The following ASTN1 variants were observed in gnomAD, a reference collection of about 807,000 sequenced individuals.
The protein encoded by ASTN1 is astrotactin 1.
Under a neutral mutation model 140.7 loss-of-function variants are expected in ASTN1, and 41 were observed. The ratio of observed to expected loss-of-function variants is 0.29; its 90% CI spans 0.23 to 0.38. The LOEUF (loss-of-function observed/expected upper bound fraction) is 0.38. Ranked by LOEUF, ASTN1 falls within the 10% of genes least tolerant of loss-of-function variation. The probability of loss-of-function intolerance (pLI) is 1.00; values close to 1 mark genes in which losing one functional copy is unlikely to be tolerated. For missense variants in ASTN1, 1,479 were observed against 1,678.8 expected, an observed-to-expected ratio of 0.88 and a Z score of 2.08; for synonymous variants, 640 against 652.2, an observed-to-expected ratio of 0.98 and a Z score of 0.29.
At chr1:177,050,279 A>G (rs530081600) in intron 2 of ASTN1, among the ~76,000 whole-genome samples, 1 of 152,260 alleles carries the variant, frequency 6.6e-6, no homozygotes, top group African/African-American at 2.4e-5. Flanking sequence ...TATCTTCTTT[A>G]TGGTATTAGG....
intron 7 of ASTN1, among the ~76,000 whole-genome samples, chr1:177,022,727 T>C (rs983563670): frequency 6.6e-6 from 1 of 152,202 alleles, no homozygotes; most frequent in African/African-American, 2.4e-5. Flanking sequence ...TTAATAGTAT[T>C]TATAAAAATA....
chr1:177,134,438 G>A (rs114009677), intron 1 of ASTN1, among the ~76,000 whole-genome samples: 17 of 152,314 alleles, frequency 1.1e-4, no homozygotes, highest in African/African-American at 4.1e-4. Context: ...CACTGGAGTG[G>A]AGAATCACAA....
At position 177,122,897 on chromosome 1, in the gene ASTN1, C is replaced by A. The variant is rs55781302; in HGVS notation, c.283+41497G>T. Among the ~76,000 whole-genome samples, 1,250 of 152,274 alleles carry A rather than the reference C, an allele frequency of 8.2e-3. 28 individuals carry two copies. The highest frequency in any genetic ancestry group is 0.029 in the African/African-American group (1,203 of 41,558). On this transcript the variant is annotated intron_variant, in intron 1 of 22. Transcript: ENST00000361833. Reference sequence around the variant, plus strand: ...TTGAGATAGTAAGCTAGGATCAGAACAACAAAGTGCATTGCCCCTTTTGGA... The same window carrying A: ...TTGAGATAGTAAGCTAGGATCAGAAAAACAAAGTGCATTGCCCCTTTTGGA...
rs1216761254 is a variant in ASTN1, at chr1:176,864,182, T to C, written c.*102A>G. 4.0e-6 allele frequency: 6 copies of C among 1,509,812 alleles called. No individual in the cohort carries two copies. The highest frequency in any genetic ancestry group is 2.1e-5 in the Admixed American group (1 of 46,736). The allele number at this position is 1,509,812 out of a possible 1,614,324, so 93.5% of individuals were successfully genotyped here. ...CTGGTTTCGATGTTGCTGTGGAGGTTTTCATGTTCCATTAAAAAATATTAA... is the reference window on the plus strand; with the variant it reads ...CTGGTTTCGATGTTGCTGTGGAGGTCTTCATGTTCCATTAAAAAATATTAA... On this transcript the variant is annotated 3_prime_UTR_variant, in exon 23 of 23. Transcript: ENST00000361833.
intron 1 of ASTN1, among the ~76,000 whole-genome samples, chr1:177,151,633 T>C (rs972875773): frequency 5.9e-5 from 9 of 152,126 alleles, no homozygotes; most frequent in Non-Finnish European, 1.2e-4. Context: ...CATCACAGAA[T>C]TGTTGCCTGA....
At chr1:177,031,132 A>G (rs1022602143) in intron 3 of ASTN1, among the ~76,000 whole-genome samples, 180 bp from the exon 4 acceptor site, 57 of 152,310 alleles carry the variant, frequency 3.7e-4, no homozygotes, top group African/African-American at 1.3e-3. Flanking sequence ...AGGGACTGCA[A>G]AGTTATGGGA....
intron 8 of ASTN1, among the ~76,000 whole-genome samples, chr1:177,008,136 G>T (rs1675088194): frequency 6.6e-6 from 1 of 152,196 alleles, no homozygotes; most frequent in African/African-American, 2.4e-5. Context: ...GGTAGATGGA[G>T]ATTTACTTTC....
chr1:177,025,148 C>T (rs1349919545), intron 5 of ASTN1, among the ~76,000 whole-genome samples: 2 of 152,210 alleles, frequency 1.3e-5, no homozygotes, highest in East Asian at 3.9e-4. Context: ...AGCAACTCCA[C>T]CCCCATAGTG....
intron 21 of ASTN1, among the ~76,000 whole-genome samples, chr1:176,871,366 C>G (rs1668337149): frequency 6.6e-6 from 1 of 152,122 alleles, no homozygotes; most frequent in African/African-American, 2.4e-5. Flanking sequence ...GACTTCCTCT[C>G]CCACCCCTGC....
intron 8 of ASTN1, among the ~76,000 whole-genome samples, chr1:176,972,620 C>T (rs1231695895): frequency 1.3e-5 from 2 of 152,070 alleles, no homozygotes; most frequent in African/African-American, 4.8e-5. Context: ...TGCCTGTGCT[C>T]TCCAAAGTGC....
At chr1:176,962,209 G>A (rs1276118717) in intron 9 of ASTN1, among the ~76,000 whole-genome samples, 1 of 152,240 alleles carries the variant, frequency 6.6e-6, no homozygotes, top group Middle Eastern at 3.2e-3. Flanking sequence ...GTGGAAAGGA[G>A]TGATCCTAGC....
intron 16 of ASTN1, among the ~76,000 whole-genome samples, chr1:176,897,830 A>G (rs1669586633): frequency 6.6e-6 from 1 of 152,196 alleles, no homozygotes; most frequent in East Asian, 1.9e-4. Flanking sequence ...AACATGGAGT[A>G]AACACTACTT....
intron 17 of ASTN1, among the ~76,000 whole-genome samples, chr1:176,892,737 A>G (rs1180061952): frequency 5.9e-5 from 9 of 152,234 alleles, no homozygotes. Context: ...TAGAAATAAA[A>G]ACACACATTG....
intron 1 of ASTN1, among the ~76,000 whole-genome samples, chr1:177,159,119 A>AT (rs2102263773): frequency 6.6e-6 from 1 of 152,012 alleles, no homozygotes; most frequent in South Asian, 2.1e-4. Flanking sequence ...AAAAACTCTA[A>AT]TTACTTGAAT....
intron 1 of ASTN1, among the ~76,000 whole-genome samples, chr1:177,138,058 C>T (rs1682283626): frequency 6.6e-6 from 1 of 152,088 alleles, no homozygotes; most frequent in Non-Finnish European, 1.5e-5. Flanking sequence ...TTCCACCCAC[C>T]CCCTTGCCAA....
intron 8 of ASTN1, among the ~76,000 whole-genome samples, chr1:176,994,109 C>T (rs1674324039): frequency 6.6e-6 from 1 of 151,642 alleles, no homozygotes; most frequent in Admixed American, 6.6e-5. Context: ...CCCACCCCCC[C>T]CGCCACCCAC....
chr1:177,106,484 T>G (rs185533323), intron 1 of ASTN1, among the ~76,000 whole-genome samples: 1 of 152,304 alleles, frequency 6.6e-6, no homozygotes, highest in Non-Finnish European at 1.5e-5. Context: ...CAGGAATAAG[T>G]CATTCCCCAC....
intron 5 of ASTN1, among the ~76,000 whole-genome samples, chr1:177,029,212 G>T (rs1571675624): frequency 6.6e-6 from 1 of 152,296 alleles, no homozygotes; most frequent in East Asian, 1.9e-4. Context: ...CAACTACACT[G>T]CCCCCAATCC....
At chr1:177,030,611 G>T (rs1676379785) in intron 4 of ASTN1, among the ~76,000 whole-genome samples, 195 bp downstream of exon 4, 1 of 152,134 alleles carries the variant, frequency 6.6e-6, no homozygotes, top group Admixed American at 6.5e-5. Flanking sequence ...GACTCTTGTT[G>T]GTGAAATTAC....
Sources: gnomAD v4.1 joint callset for allele counts (sites outside exome capture counted in the v4.1 genomes callset) on GRCh38, gnomAD v4.1.1 for gene constraint, MANE v1.5 for transcripts, NCBI Gene and HGNC (gene_info 2026-07-23, HGNC 2026-07-21) for gene names.